Variants in ESR1 observed in about 807,000 individuals in gnomAD.
The protein encoded by ESR1 is estrogen receptor.
In ESR1, 12 loss-of-function variants were observed where a neutral mutation model predicts 52.7. That is an observed-to-expected ratio of 0.23 (90% confidence interval 0.15 to 0.37). ESR1 has a LOEUF of 0.37. ESR1 is among the 10% of genes least tolerant of loss of function. The probability of loss-of-function intolerance (pLI) is 1.00; values close to 1 mark genes in which losing one functional copy is unlikely to be tolerated. For missense variants in ESR1, 584 were observed against 779.7 expected (o/e 0.75, Z 2.99); for synonymous variants, 305 against 316.8 (o/e 0.96, Z 0.39).
intron 3 of ESR1, among the ~76,000 whole-genome samples, chr6:151,884,574 T>C (rs1018136865): frequency 1.3e-5 from 2 of 152,226 alleles, no homozygotes; most frequent in African/African-American, 4.8e-5. Context: ...TCACTGAAGA[T>C]CTATTGTAAA....
intron 5 of ESR1, among the ~76,000 whole-genome samples, chr6:152,030,712 A>G (rs1411044430): frequency 6.6e-6 from 1 of 152,196 alleles, no homozygotes; most frequent in South Asian, 2.1e-4. Flanking sequence ...TCCCACTGTC[A>G]ACATTAGACA....
intron 2 of ESR1, among the ~76,000 whole-genome samples, chr6:151,763,169 T>A (rs1460241125): frequency 1.3e-5 from 2 of 152,150 alleles, no homozygotes; most frequent in African/African-American, 2.4e-5. Context: ...AAAACACACC[T>A]ATGTAATTTC....
intron 5 of ESR1, among the ~76,000 whole-genome samples, chr6:152,036,220 C>T (rs1420333261): frequency 6.6e-6 from 1 of 152,052 alleles, no homozygotes; most frequent in Non-Finnish European, 1.5e-5. Flanking sequence ...ATTAGCTGGG[C>T]GTGGTGGCGG....
chr6:151,818,415 T>C (rs911344644), intron 1 of ESR1, among the ~76,000 whole-genome samples: 8 of 152,226 alleles, frequency 5.3e-5, no homozygotes, highest in African/African-American at 1.9e-4. Flanking sequence ...TTCTTTGTTT[T>C]TGATGCTCAG....
chr6:152,054,347 C>A (rs941877772), intron 5 of ESR1, among the ~76,000 whole-genome samples: 2 of 152,112 alleles, frequency 1.3e-5, no homozygotes, highest in Non-Finnish European at 2.9e-5. Flanking sequence ...TTCCTTATTG[C>A]CTAACACCGA....
chr6:151,865,556 A>G (rs1789734652), intron 2 of ESR1, among the ~76,000 whole-genome samples: 3 of 152,190 alleles, frequency 2.0e-5, no homozygotes, highest in African/African-American at 4.8e-5. Flanking sequence ...CAGCTGCTAC[A>G]ACATTTAGGT....
intron 1 of ESR1, among the ~76,000 whole-genome samples, chr6:151,679,407 T>TGGCGCAATCTCGGCTC (rs1778372500): frequency 6.6e-6 from 1 of 152,170 alleles, no homozygotes; most frequent in Non-Finnish European, 1.5e-5. Flanking sequence ...TGGTGTGTGG[T>TGGCGCAATCTCGGCTC]GGCGCAATCT....
At chr6:151,951,879 T>G (rs1013896139) in intron 4 of ESR1, among the ~76,000 whole-genome samples, 1 of 152,240 alleles carries the variant, frequency 6.6e-6, no homozygotes, top group Non-Finnish European at 1.5e-5. Flanking sequence ...GGCTCCACCC[T>G]TGTTCCTCAT....
At chr6:152,032,723 A>C (rs1049733243) in intron 5 of ESR1, among the ~76,000 whole-genome samples, 11 of 152,238 alleles carry the variant, frequency 7.2e-5, no homozygotes, top group Non-Finnish European at 1.2e-4. Context: ...GCCCAAGGTA[A>C]TTTATAGATT....
intron 4 of ESR1, among the ~76,000 whole-genome samples, chr6:151,995,535 C>T (rs772286368): frequency 7.2e-5 from 11 of 152,162 alleles, no homozygotes; most frequent in Non-Finnish European, 1.3e-4. Flanking sequence ...TTAAGATATA[C>T]ATCAGATATT....
At chr6:151,956,341 T>C (rs551394108) in intron 4 of ESR1, among the ~76,000 whole-genome samples, 2 of 152,358 alleles carry the variant, frequency 1.3e-5, no homozygotes, top group African/African-American at 4.8e-5. Context: ...GATCTCTGCC[T>C]TCACAGAACG....
At chr6:151,734,212 C>T (rs1338653334) in intron 2 of ESR1, among the ~76,000 whole-genome samples, 1 of 152,118 alleles carries the variant, frequency 6.6e-6, no homozygotes, top group African/African-American at 2.4e-5. Flanking sequence ...TTTGAGTTAG[C>T]TACTGGGCCA....
At chr6:151,710,108 C>A (rs1399723806) in intron 2 of ESR1, among the ~76,000 whole-genome samples, 1 of 151,888 alleles carries the variant, frequency 6.6e-6, no homozygotes, top group Non-Finnish European at 1.5e-5. Flanking sequence ...ATATTAGCAT[C>A]AATTTAAAGA....
chr6:152,127,015 T>A (rs577381065), exon 7 of ESR1: 5 of 152,240 alleles, frequency 3.3e-5, no homozygotes, highest in African/African-American at 1.2e-4. Context: ...CCTGCCCTTA[T>A]GTGTCTTGTC....
chr6:151,947,205 G>A (rs2035801612), intron 4 of ESR1, among the ~76,000 whole-genome samples: 1 of 152,152 alleles, frequency 6.6e-6, no homozygotes, highest in Non-Finnish European at 1.5e-5. Context: ...CATAGTCCCA[G>A]GTACTTGGGA....
At chr6:151,811,233 T>C (rs1377279610) in intron 1 of ESR1, 2 of 152,210 alleles carry the variant, frequency 1.3e-5, no homozygotes, top group Non-Finnish European at 2.9e-5. Context: ...TTGTTATTAA[T>C]ATAAATTTGT....
At chr6:151,874,563 T>A (rs1440507849) in intron 2 of ESR1, among the ~76,000 whole-genome samples, 5 of 152,194 alleles carry the variant, frequency 3.3e-5, no homozygotes, top group Non-Finnish European at 7.3e-5. Flanking sequence ...ATCTTCAAAT[T>A]TGTAGGCTAT....
chr6:151,665,106 T>G (rs1046007598), intron 1 of ESR1, among the ~76,000 whole-genome samples: 2 of 152,204 alleles, frequency 1.3e-5, no homozygotes, highest in Admixed American at 1.3e-4. Flanking sequence ...AACACCAAAA[T>G]TCCATTTGCC....
chr6:151,663,890 A>G (rs1275546713), intron 1 of ESR1, among the ~76,000 whole-genome samples: 1 of 152,212 alleles, frequency 6.6e-6, no homozygotes, highest in Non-Finnish European at 1.5e-5. Flanking sequence ...AAAAGGGAAC[A>G]TTGAGCATGT....
Sources: allele counts gnomAD v4.1 joint callset (sites outside exome capture counted in the v4.1 genomes callset), GRCh38; gene constraint gnomAD v4.1.1; transcripts MANE v1.5; gene names NCBI Gene and HGNC (gene_info 2026-07-23, HGNC 2026-07-21).